Variants in GIPC2 observed in about 807,000 individuals in gnomAD.
The protein encoded by GIPC2 is GIPC PDZ domain containing family member 2, also known as PDZ domain-containing protein GIPC2.
GIPC2 carries 30 observed loss-of-function variants against 30.6 expected under a neutral mutation model. The observed-to-expected ratio is 0.98, with a 90% CI of 0.73 to 1.33. The LOEUF (loss-of-function observed/expected upper bound fraction) is 1.33. GIPC2 is among the 40% of genes most tolerant of loss of function. The pLI, the probability that GIPC2 is intolerant of heterozygous loss-of-function variation, is 0.00. For synonymous variants in GIPC2, 167 were observed against 150.0 expected (o/e 1.11, Z -0.83); for missense variants, 414 against 390.3 (o/e 1.06, Z -0.51).
Position 78,046,382 on chromosome 1 carries a change from C to T in GIPC2, c.240+48C>T, listed in dbSNP as rs372492515. The stretch of plus-strand genomic sequence containing the variant: ...TCTCCCGCCTCTCCGCCGCGCCGCG[C>T]CGCGCCGCGCGTATTTCTGTGGGCC... On this transcript the variant is annotated intron_variant, in intron 1 of 5. Transcript: ENST00000370759. 6.4e-4 allele frequency: 980 copies of T among 1,522,350 alleles called. 1 individual carries two copies. Among genetic ancestry groups the T allele is most frequent in the Non-Finnish European group, 6.7e-4 (741 of 1,112,742 alleles). The allele number at this position is 1,522,350 out of a possible 1,614,324, so 94.3% of individuals were successfully genotyped here. A position where few individuals can be genotyped will look rare whatever the true frequency, so the allele number is the denominator to read the frequency against.
At chr1:78,045,846 G>A (rs982678164), upstream of GIPC2, 8 of 1,292,212 alleles carry the variant, frequency 6.2e-6, no homozygotes, top group African/African-American at 1.6e-5. Flanking sequence ...GATAAACCTG[G>A]TGATAGGATG....
At chr1:78,054,535 A>G (rs995611376) in intron 1 of GIPC2, among the ~76,000 whole-genome samples, 1 of 152,204 alleles carries the variant, frequency 6.6e-6, no homozygotes, top group Non-Finnish European at 1.5e-5. Flanking sequence ...AGCACACTCA[A>G]CCATTCATTC....
chr1:78,096,039 G>T (rs759094363), intron 3 of GIPC2, among the ~76,000 whole-genome samples: 4 of 152,198 alleles, frequency 2.6e-5, no homozygotes, highest in Non-Finnish European at 4.4e-5. Flanking sequence ...TGTGGAATTA[G>T]AATTTTTTCT....
At chr1:78,107,447 CT>C (rs1184707411) in intron 3 of GIPC2, among the ~76,000 whole-genome samples, 1 of 152,070 alleles carries the variant, frequency 6.6e-6, no homozygotes, top group Non-Finnish European at 1.5e-5. Context: ...GCCCGGCTGA[CT>C]TTTTTTCTTT....
chr1:78,068,272 A>G (rs1361079894), intron 1 of GIPC2, among the ~76,000 whole-genome samples: 1 of 152,296 alleles, frequency 6.6e-6, no homozygotes, highest in East Asian at 1.9e-4. Flanking sequence ...GTTAATATCC[A>G]ACTCTCCCCA....
intron 1 of GIPC2, among the ~76,000 whole-genome samples, chr1:78,060,429 A>G (rs1661371225): frequency 1.3e-5 from 2 of 152,088 alleles, no homozygotes; most frequent in African/African-American, 4.8e-5. Context: ...ATAGGTGTGT[A>G]CCACTGCAGC....
At chr1:78,059,020 A>C (rs991476881) in intron 1 of GIPC2, among the ~76,000 whole-genome samples, 6 of 152,086 alleles carry the variant, frequency 3.9e-5, no homozygotes, top group African/African-American at 1.4e-4. Context: ...CTCACTATCC[A>C]ACTTTGGGCA....
At chr1:78,052,532 ATTTT>A (rs1196620101) in intron 1 of GIPC2, among the ~76,000 whole-genome samples, 2 of 152,054 alleles carry the variant, frequency 1.3e-5, no homozygotes, top group African/African-American at 4.8e-5. Flanking sequence ...GTAGGTGTTA[ATTTT>A]TTTTATGTTC....
chr1:78,088,852 A>G (rs1276061407), intron 2 of GIPC2: 1 of 151,876 alleles, frequency 6.6e-6, no homozygotes, highest in African/African-American at 2.4e-5. Flanking sequence ...AAAAAGTCAA[A>G]CTATAAAAAA....
At chr1:78,080,409 T>C (rs1440141253) in intron 1 of GIPC2, among the ~76,000 whole-genome samples, 1 of 152,140 alleles carries the variant, frequency 6.6e-6, no homozygotes, top group Non-Finnish European at 1.5e-5. Flanking sequence ...CTTTATAAAG[T>C]TACTGTAAAG....
chr1:78,086,663 T>C (rs556245840), intron 2 of GIPC2, among the ~76,000 whole-genome samples: 5 of 152,292 alleles, frequency 3.3e-5, no homozygotes, highest in African/African-American at 1.2e-4. Context: ...GATTGAACCC[T>C]TTTACCATTA....
intron 5 of GIPC2, among the ~76,000 whole-genome samples, chr1:78,130,228 G>C (rs1662867221): frequency 6.6e-6 from 1 of 151,166 alleles, no homozygotes; most frequent in Non-Finnish European, 1.5e-5. Context: ...TCAGCCTCCT[G>C]AGCAGCTGGG....
chr1:78,078,584 G>C (rs1349837065), intron 1 of GIPC2, among the ~76,000 whole-genome samples: 1 of 152,166 alleles, frequency 6.6e-6, no homozygotes, highest in East Asian at 1.9e-4. Flanking sequence ...CGATGGAAAA[G>C]GGTTCTTCTA....
At chr1:78,058,771 T>C (rs1424888472) in intron 1 of GIPC2, among the ~76,000 whole-genome samples, 1 of 152,194 alleles carries the variant, frequency 6.6e-6, no homozygotes, top group African/African-American at 2.4e-5. Context: ...AGTATCGTGC[T>C]CTCCCTTTTT....
intron 1 of GIPC2, among the ~76,000 whole-genome samples, chr1:78,053,644 C>T (rs1398240774): frequency 6.6e-6 from 1 of 150,996 alleles, no homozygotes; most frequent in Non-Finnish European, 1.5e-5. Flanking sequence ...TGTGATCATA[C>T]CAGTCTAATC....
intron 1 of GIPC2, among the ~76,000 whole-genome samples, chr1:78,077,138 G>C (rs1385804518): frequency 6.6e-6 from 1 of 152,068 alleles, no homozygotes; most frequent in Non-Finnish European, 1.5e-5. Context: ...GCCGAATTTG[G>C]ATACTGAGAA....
chr1:78,111,022 C>T (rs1386327047), intron 3 of GIPC2, among the ~76,000 whole-genome samples: 3 of 152,164 alleles, frequency 2.0e-5, no homozygotes, highest in African/African-American at 4.8e-5. Flanking sequence ...CACATCCTGC[C>T]GAGTGCTGCT....
chr1:78,051,723 G>T (rs1190404444), intron 1 of GIPC2, among the ~76,000 whole-genome samples: 4 of 152,094 alleles, frequency 2.6e-5, no homozygotes, highest in African/African-American at 9.7e-5. Flanking sequence ...TTGAACTCCT[G>T]ACCTCAGGTG....
intron 1 of GIPC2, among the ~76,000 whole-genome samples, chr1:78,057,188 A>G (rs1661312439): frequency 6.6e-6 from 1 of 152,186 alleles, no homozygotes; most frequent in Admixed American, 6.5e-5. Flanking sequence ...GTTCTATTCT[A>G]CTGGAATAGA....
Sources: allele counts gnomAD v4.1 joint callset (sites outside exome capture counted in the v4.1 genomes callset), GRCh38; gene constraint gnomAD v4.1.1; transcripts MANE v1.5; gene names NCBI Gene and HGNC (gene_info 2026-07-23, HGNC 2026-07-21).